The following FMN2 variants were observed in gnomAD, a reference collection of about 807,000 sequenced individuals.
FMN2 encodes the protein formin 2.
Under a neutral mutation model 142.3 loss-of-function variants are expected in FMN2, and 51 were observed. That is an observed-to-expected ratio of 0.36 (90% CI 0.29 to 0.45). The LOEUF is 0.45. FMN2 is among the 20% of genes least tolerant of loss of function. The probability of loss-of-function intolerance (pLI) is 1.00; values close to 1 mark genes in which losing one functional copy is unlikely to be tolerated. For synonymous variants in FMN2, 882 were observed against 869.8 expected (o/e 1.01, Z -0.25); for missense variants, 1,936 against 2,122.8 (o/e 0.91, Z 1.73).
chr1:240,098,097 ATTTT>A lies in FMN2; in HGVS notation c.1615+4391_1615+4394del, dbSNP rs35191164. On this transcript the variant is annotated intron_variant, in intron 1 of 17. Coordinates refer to ENST00000319653, the MANE Select transcript of FMN2 (RefSeq NM_020066.5). ...TTGGCCTTTCTAAAGGTTATCTTGA[ATTTT>A]TTTTTTTTTTTTTTTTTGGAGACAG... is the stretch of plus-strand genomic sequence containing the variant. Among the ~76,000 whole-genome samples the A allele has an allele frequency of 5.5e-3, 546 of 98,690 alleles. 14 individuals carry two copies. Among genetic ancestry groups the A allele is most frequent in the African/African-American group, 0.023 (506 of 21,882 alleles). 64.7% of individuals were successfully genotyped at this position (98,690 alleles called of 152,430 possible). A position where few individuals can be genotyped will look rare whatever the true frequency, so the allele number is the denominator to read the frequency against.
chr1:240,436,081 C>G (rs1362431098), intron 15 of FMN2, among the ~76,000 whole-genome samples: 1 of 152,180 alleles, frequency 6.6e-6, no homozygotes, highest in African/African-American at 2.4e-5. Flanking sequence ...GTCTTAGACT[C>G]TGTGTGTTCT....
chr1:240,256,351 A>T (rs1668448670), intron 6 of FMN2, among the ~76,000 whole-genome samples: 1 of 152,192 alleles, frequency 6.6e-6, no homozygotes, highest in African/African-American at 2.4e-5. Context: ...ATGTTTAGTT[A>T]ACATTTAGAA....
At chr1:240,354,367 C>G (rs150915181) in intron 13 of FMN2, among the ~76,000 whole-genome samples, 1 of 152,168 alleles carries the variant, frequency 6.6e-6, no homozygotes, top group African/African-American at 2.4e-5. Flanking sequence ...TGTTTTGGCT[C>G]AAGTTATGTA....
chr1:240,337,561 A>T (rs1671607184), intron 13 of FMN2, among the ~76,000 whole-genome samples: 3 of 152,180 alleles, frequency 2.0e-5, no homozygotes, highest in South Asian at 4.1e-4. Context: ...AAAATAGGAT[A>T]ACGTATAGAA....
chr1:240,368,955 TTATATA>T (rs10671772), intron 14 of FMN2, among the ~76,000 whole-genome samples: 8 of 148,022 alleles, frequency 5.4e-5, no homozygotes, highest in Non-Finnish European at 1.0e-4. Context: ...AACACAATGT[TTATATA>T]TATATATATA....
At chr1:240,430,551 T>C (rs1209690957) in intron 15 of FMN2, among the ~76,000 whole-genome samples, 2 of 152,086 alleles carry the variant, frequency 1.3e-5, no homozygotes, top group Non-Finnish European at 2.9e-5. Flanking sequence ...TTTTTGTGTC[T>C]TATGTAATAA....
At chr1:240,190,878 TTG>T (rs1184368595) in intron 4 of FMN2, among the ~76,000 whole-genome samples, 3 of 152,338 alleles carry the variant, frequency 2.0e-5, no homozygotes, top group African/African-American at 7.2e-5. Flanking sequence ...ATGTGCTAAG[TTG>T]TGTTAATTTT....
intron 6 of FMN2, among the ~76,000 whole-genome samples, chr1:240,242,922 G>C (rs1297779355): frequency 6.6e-6 from 1 of 152,160 alleles, no homozygotes; most frequent in African/African-American, 2.4e-5. Flanking sequence ...CCCGAGTAAA[G>C]AGGATTGTCT....
At chr1:240,159,302 G>A (rs1033415439) in intron 2 of FMN2, among the ~76,000 whole-genome samples, 6 of 152,024 alleles carry the variant, frequency 3.9e-5, no homozygotes, top group South Asian at 2.1e-4. Context: ...AAAAGGTATC[G>A]TGTTAATGTC....
In FMN2 at chr1:240,354,727, A is replaced by T. The variant is rs1672207548; in HGVS notation, c.4766-1089A>T. On this transcript the variant is annotated intron_variant, in intron 13 of 17. Coordinates refer to ENST00000319653, the MANE Select transcript of FMN2 (RefSeq NM_020066.5). ...GATAAACTAATGACCTGGAAGGGAA[A>T]AAAGAGGACACTGTAGCTTTATAAA... 2.6e-5 allele frequency among the ~76,000 whole-genome samples: 4 copies of T among 152,354 alleles called. No homozygotes were observed. The South Asian group carries it at 6.2e-4, about 24-fold the overall frequency.
At chr1:240,326,224 G>A (rs981856511) in intron 8 of FMN2, among the ~76,000 whole-genome samples, 14 of 152,182 alleles carry the variant, frequency 9.2e-5, no homozygotes, top group African/African-American at 3.4e-4. Flanking sequence ...ACCCATAGTT[G>A]TGGATAACAA....
At chr1:240,362,707 G>A (rs1672533001) in intron 14 of FMN2, among the ~76,000 whole-genome samples, 1 of 152,064 alleles carries the variant, frequency 6.6e-6, no homozygotes, top group African/African-American at 2.4e-5. Context: ...TGCTCCCTTA[G>A]TCATATGGTA....
intron 2 of FMN2, among the ~76,000 whole-genome samples, chr1:240,168,638 TAATG>T (rs1664577724): frequency 6.6e-6 from 1 of 152,092 alleles, no homozygotes; most frequent in Non-Finnish European, 1.5e-5. Flanking sequence ...CCAATAGTAA[TAATG>T]TGTTTATTGC....
chr1:240,240,081 A>G (rs1051953108), intron 6 of FMN2, among the ~76,000 whole-genome samples: 2 of 152,170 alleles, frequency 1.3e-5, no homozygotes, highest in Non-Finnish European at 2.9e-5. Context: ...GTCTGCCCAT[A>G]TTAATTATAT....
chr1:240,428,022 A>C (rs1394102068), intron 15 of FMN2, among the ~76,000 whole-genome samples: 1 of 152,120 alleles, frequency 6.6e-6, no homozygotes, highest in African/African-American at 2.4e-5. Context: ...AGAGTTATTC[A>C]ATTGTGTGTT....
At chr1:240,147,008 T>C (rs1200863197) in intron 2 of FMN2, among the ~76,000 whole-genome samples, 1 of 152,160 alleles carries the variant, frequency 6.6e-6, no homozygotes, top group Non-Finnish European at 1.5e-5. Flanking sequence ...TGAATGCAGA[T>C]TAATGAATCT....
At chr1:240,350,104 G>A (rs761219270) in intron 13 of FMN2, among the ~76,000 whole-genome samples, 6 of 152,132 alleles carry the variant, frequency 3.9e-5, no homozygotes, top group Non-Finnish European at 8.8e-5. Context: ...AGCACATTGA[G>A]CATATTTATA....
chr1:240,416,266 T>TG, intron 15 of FMN2, among the ~76,000 whole-genome samples: 1 of 150,546 alleles, frequency 6.6e-6, no homozygotes, highest in East Asian at 1.9e-4. Context: ...TCCACTCTTT[T>TG]TTTTTTTTTT....
At chr1:240,286,993 G>T (rs1002832612) in intron 7 of FMN2, among the ~76,000 whole-genome samples, 1 of 150,732 alleles carries the variant, frequency 6.6e-6, no homozygotes, top group Non-Finnish European at 1.5e-5. Context: ...ATGGGGGAGT[G>T]TGTATAACTC....
Sources: gnomAD v4.1 joint callset for allele counts (sites outside exome capture counted in the v4.1 genomes callset) on GRCh38, gnomAD v4.1.1 for gene constraint, MANE v1.5 for transcripts, NCBI Gene and HGNC (gene_info 2026-07-23, HGNC 2026-07-21) for gene names.